The following BAZ2B variants were observed in gnomAD, a reference collection of about 807,000 sequenced individuals.
The protein encoded by BAZ2B is bromodomain adjacent to zinc finger domain 2B.
In BAZ2B, 91 loss-of-function variants were observed where a neutral mutation model predicts 246.0. The ratio of observed to expected loss-of-function variants is 0.37; its 90% CI spans 0.31 to 0.44. The LOEUF (loss-of-function observed/expected upper bound fraction) is 0.44, where lower values mean the gene tolerates loss of function less well. BAZ2B is among the 20% of genes least tolerant of loss of function. The pLI, the probability that BAZ2B is intolerant of heterozygous loss-of-function variation, is 1.00. For synonymous variants in BAZ2B, 855 were observed against 860.0 expected, an observed-to-expected ratio of 0.99 and a Z score of 0.10; for missense variants, 2,332 against 2,533.7, an observed-to-expected ratio of 0.92 and a Z score of 1.71.
At chr2:159,661,207 T>G in the BAZ2B span, among the ~76,000 whole-genome samples, 2 of 152,230 alleles carry the variant, frequency 1.3e-5, no homozygotes, top group African/African-American at 4.8e-5. Context: ...ATTCCCTTTT[T>G]GTGTGGGTTG....
At chr2:159,554,700 GTT>G (rs1486309985) in intron 2 of BAZ2B, among the ~76,000 whole-genome samples, 1 of 152,016 alleles carries the variant, frequency 6.6e-6, no homozygotes, top group Non-Finnish European at 1.5e-5. Context: ...AATTAAAACA[GTT>G]GAAGAAGCAG....
At chr2:159,680,555 AC>A in the BAZ2B span, among the ~76,000 whole-genome samples, 1 of 152,194 alleles carries the variant, frequency 6.6e-6, no homozygotes, top group African/African-American at 2.4e-5. Flanking sequence ...TGGGGCTGTT[AC>A]CCCGGGCACG....
chr2:159,442,359 G>A (rs1310425864), intron 6 of BAZ2B, among the ~76,000 whole-genome samples: 1 of 152,178 alleles, frequency 6.6e-6, no homozygotes, highest in Non-Finnish European at 1.5e-5. Context: ...CAGGGAGACA[G>A]TGATAGGAAA....
intron 1 of BAZ2B, among the ~76,000 whole-genome samples, chr2:159,559,236 C>T (rs879278967): frequency 6.7e-6 from 1 of 150,346 alleles, no homozygotes; most frequent in Admixed American, 6.6e-5. Context: ...AGGAGTAACC[C>T]TGTTAAAAAA....
intron 2 of BAZ2B, among the ~76,000 whole-genome samples, chr2:159,543,656 C>T (rs978151979): frequency 6.6e-6 from 1 of 151,866 alleles, no homozygotes; most frequent in African/African-American, 2.4e-5. Flanking sequence ...CTGCCTTAGC[C>T]TCCTGAGTAG....
intron 8 of BAZ2B, among the ~76,000 whole-genome samples, chr2:159,436,615 G>A (rs377636263): frequency 1.3e-5 from 2 of 152,282 alleles, no homozygotes; most frequent in South Asian, 2.1e-4. Context: ...GCTGGGCATG[G>A]TGGCGGGCGC....
intron 4 of BAZ2B, 104 bp from the exon 5 acceptor site, chr2:159,448,513 C>A: frequency 7.4e-7 from 1 of 1,352,934 alleles, no homozygotes; most frequent in South Asian, 1.6e-5. Flanking sequence ...CAAGTTTCAT[C>A]TTGGAACAAA....
intron 1 of BAZ2B, among the ~76,000 whole-genome samples, chr2:159,556,236 T>C (rs912685611): frequency 3.3e-5 from 5 of 152,174 alleles, no homozygotes; most frequent in Non-Finnish European, 7.3e-5. Context: ...TGAAGACAAT[T>C]AGGTATTATT....
At chr2:159,371,657 A>G (rs1487471284) in intron 27 of BAZ2B, among the ~76,000 whole-genome samples, 5 of 152,096 alleles carry the variant, frequency 3.3e-5, no homozygotes, top group African/African-American at 1.2e-4. Context: ...ACTTCTTCCA[A>G]TCCAATGCGT....
At chr2:159,467,334 T>C (rs1438133011) in intron 3 of BAZ2B, among the ~76,000 whole-genome samples, 2 of 152,196 alleles carry the variant, frequency 1.3e-5, no homozygotes, top group Non-Finnish European at 2.9e-5. Flanking sequence ...AAAGGCTCAT[T>C]GTAGAGATGA....
chr2:159,363,611 G>T (rs1281916055), intron 27 of BAZ2B, among the ~76,000 whole-genome samples: 1 of 152,186 alleles, frequency 6.6e-6, no homozygotes, highest in African/African-American at 2.4e-5. Context: ...ACAAAAGAAG[G>T]AGTAGACCGA....
chr2:159,358,001 CT>C (rs1173208611), intron 27 of BAZ2B, among the ~76,000 whole-genome samples: 2 of 152,220 alleles, frequency 1.3e-5, no homozygotes, highest in African/African-American at 2.4e-5. Flanking sequence ...GTACCAGCCA[CT>C]GCAAAAACAT....
At chr2:159,457,786 A>G (rs932469325) in intron 3 of BAZ2B, among the ~76,000 whole-genome samples, 1 of 151,960 alleles carries the variant, frequency 6.6e-6, no homozygotes, top group Non-Finnish European at 1.5e-5. Flanking sequence ...TTTCCCTCTC[A>G]ATACATCAAT....
At position 159,420,941 on chromosome 2, in the gene BAZ2B, G is replaced by A. The variant is rs113006483; in HGVS notation, c.2466+7000C>T. 2.6e-3 allele frequency among the ~76,000 whole-genome samples: 400 copies of A among 152,246 alleles called. 3 individuals carry two copies. The highest frequency in any genetic ancestry group is 9.0e-3 in the African/African-American group (373 of 41,546). ...GCTAACAGAAATTCATTAAAAGGTA[G>A]CCAGCCAGTACAGCATAGGCTTATA... On this transcript the variant is annotated intron_variant, in intron 13 of 36. Transcript: ENST00000392783.
At chr2:159,689,735 A>G in the BAZ2B span, 2 of 460,316 alleles carry the variant, frequency 4.3e-6, no homozygotes, top group Middle Eastern at 3.3e-4. Context: ...AGACTTTTCT[A>G]TGTCTTTTCC....
chr2:159,640,703 G>A, the BAZ2B span, among the ~76,000 whole-genome samples: 2 of 151,920 alleles, frequency 1.3e-5, no homozygotes, highest in Non-Finnish European at 2.9e-5. Context: ...GAAGGCAGTA[G>A]TAAGAAGGAA....
chr2:159,502,135 A>G (rs539678442), intron 2 of BAZ2B, among the ~76,000 whole-genome samples: 1 of 152,190 alleles, frequency 6.6e-6, no homozygotes, highest in Non-Finnish European at 1.5e-5. Flanking sequence ...GTAGAGACAG[A>G]AAATATAGAA....
chr2:159,629,589 C>T, the BAZ2B span, among the ~76,000 whole-genome samples: 2 of 152,022 alleles, frequency 1.3e-5, no homozygotes, highest in African/African-American at 4.8e-5. Flanking sequence ...AAAGCAAACA[C>T]CGCATGTTCT....
intron 2 of BAZ2B, among the ~76,000 whole-genome samples, chr2:159,533,816 C>T (rs1398430792): frequency 6.6e-6 from 1 of 152,080 alleles, no homozygotes; most frequent in African/African-American, 2.4e-5. Context: ...TATACAGTTT[C>T]CATGTTTAAG....
Sources: gnomAD v4.1 joint callset for allele counts (sites outside exome capture counted in the v4.1 genomes callset) on GRCh38, gnomAD v4.1.1 for gene constraint, MANE v1.5 for transcripts, NCBI Gene and HGNC (gene_info 2026-07-23, HGNC 2026-07-21) for gene names.